CUBN: variants seen among roughly 807,000 people sequenced by gnomAD.
CUBN encodes 460 kDa receptor.
Under a neutral mutation model 405.3 loss-of-function variants are expected in CUBN, and 282 were observed. The observed-to-expected ratio is 0.70, with a 90% CI of 0.63 to 0.77. The LOEUF is 0.77. Among genes scored for constraint, CUBN ranks in the 30% least tolerant of loss-of-function variants. The pLI is 0.00. For missense variants in CUBN, 4,514 were observed against 4,475.2 expected, an observed-to-expected ratio of 1.01 and a Z score of -0.25; for synonymous variants, 1,684 against 1,617.0, an observed-to-expected ratio of 1.04 and a Z score of -0.99.
intron 59 of CUBN, among the ~76,000 whole-genome samples, chr10:16,864,214 T>C (rs1840097910): frequency 6.6e-6 from 1 of 152,238 alleles, no homozygotes; most frequent in African/African-American, 2.4e-5. Flanking sequence ...AATCAGAATG[T>C]AGCTTTTGAT....
At chr10:17,054,344 A>C (rs981088087) in intron 22 of CUBN, among the ~76,000 whole-genome samples, 4 of 151,446 alleles carry the variant, frequency 2.6e-5, no homozygotes, top group African/African-American at 9.7e-5. Context: ...AAAAAAAAAA[A>C]AAACTGGGGA....
chr10:16,825,131 C>A (rs369163344), intron 66 of CUBN, 49 bp from the exon 67 acceptor site: 1 of 1,371,060 alleles, frequency 7.3e-7, no homozygotes, highest in Admixed American at 1.8e-5. Context: ...CATATTTGAA[C>A]GTTTTTCTAG....
intron 65 of CUBN, among the ~76,000 whole-genome samples, chr10:16,829,895 C>T (rs1315010126): frequency 2.7e-5 from 4 of 150,694 alleles, no homozygotes; most frequent in Non-Finnish European, 5.9e-5. Context: ...GATCTTGGCT[C>T]ACTGCAAGCT....
intron 23 of CUBN, among the ~76,000 whole-genome samples, chr10:17,046,940 A>C (rs1835149129): frequency 6.6e-6 from 1 of 152,200 alleles, no homozygotes; most frequent in Admixed American, 6.5e-5. Context: ...ATGAAAGAAT[A>C]ATGCCTTGTA....
intron 59 of CUBN, among the ~76,000 whole-genome samples, chr10:16,853,219 A>T (rs1839770916): frequency 6.6e-6 from 1 of 152,246 alleles, no homozygotes; most frequent in Non-Finnish European, 1.5e-5. Context: ...AAATGGTGAA[A>T]TAAGCTCAAA....
At chr10:16,926,574 A>T (rs1842194047) in intron 41 of CUBN, among the ~76,000 whole-genome samples, 1 of 152,082 alleles carries the variant, frequency 6.6e-6, no homozygotes, top group African/African-American at 2.4e-5. Flanking sequence ...TAGCAACAGA[A>T]ATGGAGAGGC....
At chr10:16,865,173 T>G (rs138340716) in intron 59 of CUBN, among the ~76,000 whole-genome samples, 1 of 151,768 alleles carries the variant, frequency 6.6e-6, no homozygotes, top group African/African-American at 2.4e-5. Context: ...TTTCACCATG[T>G]AGGCCAGGCT....
chr10:16,928,109 G>C (rs1182617992), intron 41 of CUBN, 48 bp downstream of exon 41: 2 of 1,586,856 alleles, frequency 1.3e-6, no homozygotes, highest in African/African-American at 2.7e-5. Context: ...GAGAGGAAAA[G>C]AGAGGAGATG....
At chr10:17,072,382 A>C (rs1022077144) in intron 17 of CUBN, among the ~76,000 whole-genome samples, 4 of 152,174 alleles carry the variant, frequency 2.6e-5, no homozygotes, top group Non-Finnish European at 4.4e-5. Flanking sequence ...AAAAGGAAAA[A>C]AAAGAAAAGT....
rs527640812 is a variant in CUBN at position 17,068,569 on chromosome 10, C to T, written c.2791+36G>A. 3.9e-6 allele frequency: 6 copies of T among 1,542,524 alleles called. No homozygotes were observed. The African/African-American group carries it at 6.9e-5, about 18-fold the overall frequency. On this transcript the variant is annotated intron_variant, in intron 20 of 66. Coordinates refer to ENST00000377833, the MANE Select transcript of CUBN (RefSeq NM_001081.4). ...TCATTCACTTATTCTGATACAAGCCCAAGAGGAGGAAAAAAAAAAGGGAAC... is the reference window on the plus strand; with the variant it reads ...TCATTCACTTATTCTGATACAAGCCTAAGAGGAGGAAAAAAAAAAGGGAAC...
intron 46 of CUBN, among the ~76,000 whole-genome samples, chr10:16,915,526 C>T (rs369964761): frequency 2.2e-4 from 34 of 152,250 alleles, no homozygotes; most frequent in Middle Eastern, 3.4e-3. Flanking sequence ...GAACACCCCT[C>T]AAATAACGGC....
chr10:17,067,999 T>C (rs2131844576), intron 21 of CUBN, 65 bp downstream of exon 21: 8 of 1,311,072 alleles, frequency 6.1e-6, no homozygotes, highest in Non-Finnish European at 8.8e-6. Context: ...AATTTTAAGA[T>C]CCTTCACTGA....
At chr10:17,009,504 C>A (rs538899033) in intron 28 of CUBN, among the ~76,000 whole-genome samples, 13 of 152,352 alleles carry the variant, frequency 8.5e-5, no homozygotes, top group African/African-American at 3.1e-4. Context: ...TTCAATCAAG[C>A]TCCTTAGAGT....
At position 16,828,985 on chromosome 10, in the gene CUBN, T is replaced by C. The variant is rs1243203570; in HGVS notation, c.10584A>G (p.Pro3528=). 1 of 1,614,040 alleles carries C rather than the reference T, an allele frequency of 6.2e-7. No individual in the cohort carries two copies. The highest frequency in any genetic ancestry group is 8.5e-7 in the Non-Finnish European group (1 of 1,180,040). ...AGTACGTGTTGTTTGGGTATGTGCC[T>C]GGATAGCCGGGGCTGGTGAATGAGC... The part of the protein sequence containing the change: ...DRGSFTSPGY[P]GTYPNNTYCE... The change falls in exon 66 of 67, where the codon CCA becomes CCG. Residue 3528 remains proline, a synonymous_variant. Transcript: ENST00000377833.
intron 54 of CUBN, among the ~76,000 whole-genome samples, chr10:16,891,997 A>G (rs906017987): frequency 2.4e-4 from 37 of 152,184 alleles, no homozygotes; most frequent in African/African-American, 8.9e-4. Context: ...CTTCACATGG[A>G]ATGATACCAA....
intron 55 of CUBN, among the ~76,000 whole-genome samples, chr10:16,889,938 A>AAAAAAAAAAAAAAAAAAAAAAAAAAC (rs1554788545): frequency 7.7e-6 from 1 of 129,526 alleles, no homozygotes; most frequent in African/African-American, 3.1e-5. Flanking sequence ...GCCGTGTCAA[A>AAAAAAAAAAAAAAAAAAAAAAAAAAC]AAAAAAAAAA....
At chr10:17,099,603 C>A (rs1836452173) in intron 14 of CUBN, among the ~76,000 whole-genome samples, 1 of 152,188 alleles carries the variant, frequency 6.6e-6, no homozygotes, top group Admixed American at 6.5e-5. Context: ...AATCCCAGCA[C>A]TTTGGGAGGC....
intron 14 of CUBN, 65 bp downstream of exon 14, chr10:17,099,940 C>T: frequency 1.0e-6 from 1 of 995,818 alleles, no homozygotes; most frequent in South Asian, 1.3e-5. Flanking sequence ...AAAAGTCTAA[C>T]ACTGATTAAG....
chr10:17,126,724 T>A, intron 4 of CUBN, 37 bp downstream of exon 4: 1 of 1,603,684 alleles, frequency 6.2e-7, no homozygotes, highest in East Asian at 2.2e-5. Flanking sequence ...GTATGTTTTC[T>A]GTGAAAGATT....
Sources: allele counts gnomAD v4.1 joint callset (sites outside exome capture counted in the v4.1 genomes callset), GRCh38; gene constraint gnomAD v4.1.1; transcripts MANE v1.5; gene names NCBI Gene and HGNC (gene_info 2026-07-23, HGNC 2026-07-21).